SMARCA5: variants seen among roughly 807,000 people sequenced by gnomAD.
SMARCA5 encodes SWI/SNF-related matrix-associated actin-dependent regulator of chromatin subfamily A member 5.
In SMARCA5, 18 loss-of-function variants were observed where a neutral mutation model predicts 140.4. The observed-to-expected ratio is 0.13, with a 90% CI of 0.09 to 0.19. The LOEUF (loss-of-function observed/expected upper bound fraction) is 0.19, where lower values mean the gene tolerates loss of function less well. Ranked by LOEUF, SMARCA5 falls within the 10% of genes least tolerant of loss-of-function variation. The pLI is 1.00. For synonymous variants in SMARCA5, 449 were observed against 419.6 expected, an observed-to-expected ratio of 1.07 and a Z score of -0.86; for missense variants, 606 against 1,276.8, an observed-to-expected ratio of 0.47 and a Z score of 8.01.
At chr4:143,549,205 C>T (rs1276389582) in intron 22 of SMARCA5, among the ~76,000 whole-genome samples, 1 of 151,826 alleles carries the variant, frequency 6.6e-6, no homozygotes, top group African/African-American at 2.4e-5. Context: ...TTAAGATGCA[C>T]AAAAAATGAT....
chr4:143,532,481 GC>G (rs1367753052), intron 9 of SMARCA5, among the ~76,000 whole-genome samples: 2 of 152,146 alleles, frequency 1.3e-5, no homozygotes, highest in Non-Finnish European at 2.9e-5. Context: ...TTTTGAAAAT[GC>G]TTATGAAGTC....
At chr4:143,553,089 G>T in intron 23 of SMARCA5, 30 bp from the exon 24 acceptor site, 1 of 1,561,894 alleles carries the variant, frequency 6.4e-7, no homozygotes. Flanking sequence ...TATTAGTCTT[G>T]TGAAAAGTAA....
At chr4:143,516,899 A>G (rs1736852800) in intron 1 of SMARCA5, among the ~76,000 whole-genome samples, 1 of 152,188 alleles carries the variant, frequency 6.6e-6, no homozygotes, top group Non-Finnish European at 1.5e-5. Context: ...AAGTTTTTGT[A>G]ATATTCCAGA....
At position 143,527,825 on chromosome 4, in the gene SMARCA5, A is replaced by G. The variant is rs1269330520; in HGVS notation, c.802-43A>G. The G allele has an allele frequency of 9.8e-6, 15 of 1,532,266 alleles. No individual in the cohort carries two copies. In the African/African-American group the frequency reaches 1.8e-4, roughly 19 times the overall value. 94.9% of individuals were successfully genotyped at this position (1,532,266 alleles called of 1,614,324 possible). On this transcript the variant is annotated intron_variant, in intron 6 of 23. Coordinates refer to ENST00000283131, the MANE Select transcript of SMARCA5 (RefSeq NM_003601.4). ...CTTGTCATCAGTAAATGTAATGCGT[A>G]GTTTATTTCTACGTGATGTAATTTT... is the stretch of plus-strand genomic sequence containing the variant.
At chr4:143,549,624 G>T (rs1227860369) in intron 22 of SMARCA5, among the ~76,000 whole-genome samples, 2 of 152,156 alleles carry the variant, frequency 1.3e-5, no homozygotes, top group African/African-American at 4.8e-5. Flanking sequence ...TGTTGTTTTT[G>T]ACCCTCACAT....
chr4:143,536,322 C>A, intron 10 of SMARCA5, 130 bp from the exon 11 acceptor site: 1 of 652,108 alleles, frequency 1.5e-6, no homozygotes, highest in Non-Finnish European at 2.8e-6. Flanking sequence ...CCTAACCATA[C>A]CTAGAAGTTG....
rs1180813618 is a variant in SMARCA5, at chr4:143,536,436, T to G, written c.1269-16T>G. ...GGAACATTTGAGCTCTAAAAATGTTTTTCTTCTTTGAATAGGTATACTCGG... is the reference window on the plus strand; with the variant it reads ...GGAACATTTGAGCTCTAAAAATGTTGTTCTTCTTTGAATAGGTATACTCGG... On this transcript the variant is annotated splice_polypyrimidine_tract_variant and intron_variant, in intron 10 of 23. Transcript: ENST00000283131. 1.2e-5 allele frequency: 19 copies of G among 1,573,624 alleles called. No homozygotes were observed. The highest frequency in any genetic ancestry group is 1.5e-5 in the Non-Finnish European group (17 of 1,143,616).
At position 143,527,849 on chromosome 4, in the gene SMARCA5, T is replaced by C; in HGVS notation, c.802-19T>C. 6.3e-7 allele frequency: 1 copy of C among 1,582,728 alleles called. No individual in the cohort carries two copies. Among genetic ancestry groups the C allele is most frequent in the Admixed American group, 2.0e-5 (1 of 49,538 alleles). ...TAGTTTATTTCTACGTGATGTAATT[T>C]TTTTCTCTTGTTACACAGGCTGCTT... is the stretch of plus-strand genomic sequence containing the variant. On this transcript the variant is annotated intron_variant, in intron 6 of 23. Coordinates refer to ENST00000283131, the MANE Select transcript of SMARCA5 (RefSeq NM_003601.4).
intron 10 of SMARCA5, 49 bp from the exon 11 acceptor site, chr4:143,536,403 T>C (rs929429487): frequency 7.8e-7 from 1 of 1,276,892 alleles, no homozygotes; most frequent in Admixed American, 1.7e-5. Flanking sequence ...GTGGCAGGGA[T>C]TGATCAAGGA....
intron 3 of SMARCA5, among the ~76,000 whole-genome samples, chr4:143,524,095 T>A (rs1737020516): frequency 6.6e-6 from 1 of 152,186 alleles, no homozygotes; most frequent in African/African-American, 2.4e-5. Flanking sequence ...TCTGACTACA[T>A]AGTTCTTGAA....
chr4:143,524,123 G>T (rs1043876367), intron 3 of SMARCA5, among the ~76,000 whole-genome samples: 1 of 152,030 alleles, frequency 6.6e-6, no homozygotes, highest in African/African-American at 2.4e-5. Context: ...TATCATATTT[G>T]AGTTTATTGG....
chr4:143,552,971 G>A, intron 23 of SMARCA5, 148 bp from the exon 24 acceptor site: 1 of 574,208 alleles, frequency 1.7e-6, no homozygotes, highest in Non-Finnish European at 3.2e-6. Context: ...TTTATAGTTT[G>A]CTTTGAAAGA....
intron 11 of SMARCA5, among the ~76,000 whole-genome samples, chr4:143,536,933 C>G (rs1174817558): frequency 2.0e-5 from 3 of 152,174 alleles, no homozygotes; most frequent in African/African-American, 7.2e-5. Flanking sequence ...TATATACTTT[C>G]CTAGAAATTA....
chr4:143,547,863 C>A, intron 21 of SMARCA5, 65 bp from the exon 22 acceptor site: 1 of 968,948 alleles, frequency 1.0e-6, no homozygotes, highest in Admixed American at 2.5e-5. Flanking sequence ...TATACTAAAG[C>A]TGAGTTTGAA....
chr4:143,541,414 T>G (rs1417432815), intron 14 of SMARCA5, among the ~76,000 whole-genome samples: 1 of 152,234 alleles, frequency 6.6e-6, no homozygotes, highest in Non-Finnish European at 1.5e-5. Flanking sequence ...TGTACATGTC[T>G]TTGGTATCCC....
chr4:143,544,916 G>T (rs1291283972), intron 17 of SMARCA5, 69 bp downstream of exon 17: 8 of 724,988 alleles, frequency 1.1e-5, no homozygotes, highest in African/African-American at 3.7e-5. Context: ...ATATATTCTT[G>T]CAAAAAGATT....
rs1737695077 is a variant in SMARCA5 at position 143,553,861 on chromosome 4, T to A, written c.*677T>A. The A allele has an allele frequency of 6.6e-6, 1 of 151,996 alleles. No individual in the cohort carries two copies. The highest frequency in any genetic ancestry group is 2.1e-4 in the South Asian group (1 of 4,836). 9.4% of individuals were successfully genotyped at this position (151,996 alleles called of 1,614,324 possible). A position where few individuals can be genotyped will look rare whatever the true frequency, so the allele number is the denominator to read the frequency against. On this transcript the variant is annotated 3_prime_UTR_variant, in exon 24 of 24. Transcript: ENST00000283131. ...ATTTTCCGGTTCCTTAAGGTATTAC[T>A]GTACCATTTTGTAAAAGGAATATTA...
chr4:143,550,332 T>G (rs1026216093), intron 23 of SMARCA5, among the ~76,000 whole-genome samples: 2 of 151,620 alleles, frequency 1.3e-5, no homozygotes, highest in South Asian at 2.1e-4. Context: ...TTAGTTGTTA[T>G]GAGTAAGTAT....
rs2149824918 is a variant in SMARCA5, at chr4:143,547,491, A to T, written c.2760A>T (p.Ala920=). The T allele has an allele frequency of 1.3e-6, 2 of 1,569,052 alleles. No individual in the cohort carries two copies. The highest frequency in any genetic ancestry group is 2.2e-5 in the East Asian group (1 of 44,586). The change falls in exon 21 of 24, where the codon GCA becomes GCT. Residue 920 remains alanine (A), a synonymous_variant. Transcript: ENST00000283131. ...AAAGAAGAATAAGCATCAAGAAAGC[A>T]CTTGACACAAAGGTAATTTGCTTGT... ...RIQRRISIKK[A]LDTKIGRYKA...
Sources: gnomAD v4.1 joint callset for allele counts (sites outside exome capture counted in the v4.1 genomes callset) on GRCh38, gnomAD v4.1.1 for gene constraint, MANE v1.5 for transcripts, NCBI Gene and HGNC (gene_info 2026-07-23, HGNC 2026-07-21) for gene names.